PRKAR1B: variants seen among roughly 807,000 people sequenced by gnomAD.
PRKAR1B encodes the protein cAMP-dependent protein kinase type I-beta regulatory subunit.
Under a neutral mutation model 46.5 loss-of-function variants are expected in PRKAR1B, and 22 were observed. That is an observed-to-expected ratio of 0.47 (90% CI 0.34 to 0.68). PRKAR1B has a LOEUF of 0.68. Ranked by LOEUF, PRKAR1B falls within the 30% of genes least tolerant of loss-of-function variation. The pLI is 0.01. For missense variants in PRKAR1B, 445 were observed against 535.6 expected, an observed-to-expected ratio of 0.83 and a Z score of 1.67; for synonymous variants, 259 against 217.7, an observed-to-expected ratio of 1.19 and a Z score of -1.67.
intron 9 of PRKAR1B, among the ~76,000 whole-genome samples, chr7:564,859 C>T (rs1045466765): frequency 1.7e-4 from 26 of 152,190 alleles, no homozygotes; most frequent in African/African-American, 5.3e-4. Flanking sequence ...CGGATGCCCC[C>T]CAACCTTGCA....
At chr7:699,541 CT>C (rs1392122208) in intron 2 of PRKAR1B, among the ~76,000 whole-genome samples, 1 of 152,134 alleles carries the variant, frequency 6.6e-6, no homozygotes, top group Non-Finnish European at 1.5e-5. Flanking sequence ...ACTAAAGACC[CT>C]CCCTCCCTGC....
intron 2 of PRKAR1B, 58 bp downstream of exon 2, chr7:711,271 G>T (rs529219718): frequency 1.3e-6 from 2 of 1,591,228 alleles, no homozygotes; most frequent in African/African-American, 1.3e-5. Flanking sequence ...TTCCCCGGCT[G>T]CCGCCTCTGC....
chr7:646,390 G>A (rs1784624304), intron 4 of PRKAR1B, among the ~76,000 whole-genome samples: 2 of 152,206 alleles, frequency 1.3e-5, no homozygotes, highest in Non-Finnish European at 2.9e-5. Context: ...CTAGAAGGAC[G>A]GTGCATAAAT....
At chr7:621,012 C>T (rs1444040521) in intron 4 of PRKAR1B, among the ~76,000 whole-genome samples, 1 of 152,272 alleles carries the variant, frequency 6.6e-6, no homozygotes, top group Admixed American at 6.5e-5. Context: ...CCTTTTCCAA[C>T]ACCTATGTGA....
intron 4 of PRKAR1B, among the ~76,000 whole-genome samples, chr7:610,663 C>A (rs1339177267): frequency 1.3e-5 from 2 of 152,226 alleles, no homozygotes; most frequent in Admixed American, 1.3e-4. Flanking sequence ...ATGTCCCCCC[C>A]GCACGGCTTC....
At chr7:659,792 C>T (rs1407561964) in intron 4 of PRKAR1B, among the ~76,000 whole-genome samples, 1 of 152,160 alleles carries the variant, frequency 6.6e-6, no homozygotes, top group African/African-American at 2.4e-5. Flanking sequence ...CTGCAGTCTC[C>T]ACCTCCCGGG....
At chr7:661,800 C>G (rs556686297) in intron 4 of PRKAR1B, among the ~76,000 whole-genome samples, 60 of 34,672 alleles carry the variant, frequency 1.7e-3, no homozygotes, top group Middle Eastern at 0.038. Context: ...TACTCTCCCC[C>G]CCATGGCACA....
chr7:622,618 C>T (rs1783169649), intron 4 of PRKAR1B, among the ~76,000 whole-genome samples: 1 of 152,032 alleles, frequency 6.6e-6, no homozygotes, highest in South Asian at 2.1e-4. Flanking sequence ...AGAGTCAGGA[C>T]ACGGGTTGTT....
intron 9 of PRKAR1B, among the ~76,000 whole-genome samples, chr7:575,135 G>A (rs1007963176): frequency 1.3e-5 from 2 of 152,216 alleles, no homozygotes; most frequent in African/African-American, 2.4e-5. Flanking sequence ...TCAGCCGGGC[G>A]GTTCTCACTC....
intron 4 of PRKAR1B, among the ~76,000 whole-genome samples, chr7:637,955 T>C (rs1391339071): frequency 6.6e-6 from 1 of 152,244 alleles, no homozygotes; most frequent in Non-Finnish European, 1.5e-5. Flanking sequence ...CCAGATTGTC[T>C]TCTGCAGCCT....
intron 1 of PRKAR1B, among the ~76,000 whole-genome samples, chr7:719,739 C>G (rs1396069725): frequency 6.6e-6 from 1 of 152,150 alleles, no homozygotes; most frequent in Middle Eastern, 3.2e-3. Context: ...AGGTACTATA[C>G]TGTACCAGCT....
At chr7:604,616 T>C (rs753937505) in intron 6 of PRKAR1B, among the ~76,000 whole-genome samples, 6 of 152,198 alleles carry the variant, frequency 3.9e-5, no homozygotes, top group South Asian at 2.1e-4. Context: ...TTTCCTGTGC[T>C]ATCAGCTCCG....
intron 5 of PRKAR1B, among the ~76,000 whole-genome samples, chr7:606,464 G>GT (rs1217127053): frequency 3.3e-5 from 5 of 152,128 alleles, no homozygotes; most frequent in Admixed American, 3.3e-4. Flanking sequence ...AATGAGAGGT[G>GT]TTTTTCTTTT....
chr7:570,106 C>T (rs1037747596), intron 9 of PRKAR1B, among the ~76,000 whole-genome samples: 5 of 152,250 alleles, frequency 3.3e-5, no homozygotes, highest in African/African-American at 9.6e-5. Context: ...CCACAGTGAC[C>T]GCTGGGCAGA....
chr7:706,259 G>A (rs1780317386), intron 2 of PRKAR1B, among the ~76,000 whole-genome samples: 1 of 152,088 alleles, frequency 6.6e-6, no homozygotes, highest in Non-Finnish European at 1.5e-5. Flanking sequence ...CTGAGAGGTG[G>A]AGGTTGCAGT....
intron 1 of PRKAR1B, among the ~76,000 whole-genome samples, chr7:726,452 G>A (rs1250733452): frequency 2.0e-5 from 3 of 152,144 alleles, no homozygotes; most frequent in Non-Finnish European, 2.9e-5. Flanking sequence ...TATAGCCCGG[G>A]ACCCGCATCC....
intron 7 of PRKAR1B, among the ~76,000 whole-genome samples, chr7:592,140 C>T (rs1781011590): frequency 6.6e-6 from 1 of 152,182 alleles, no homozygotes; most frequent in African/African-American, 2.4e-5. Flanking sequence ...ATCAGGGTCC[C>T]CACGTGCACA....
chr7:640,899 G>A (rs1366159660), intron 4 of PRKAR1B, among the ~76,000 whole-genome samples: 1 of 151,760 alleles, frequency 6.6e-6, no homozygotes, highest in Non-Finnish European at 1.5e-5. Context: ...GGAGAAATGA[G>A]AACCCTCATA....
intron 4 of PRKAR1B, among the ~76,000 whole-genome samples, chr7:635,278 C>G (rs1783981001): frequency 6.6e-6 from 1 of 152,372 alleles, no homozygotes; most frequent in South Asian, 2.1e-4. Flanking sequence ...GCCCAGCCCT[C>G]CCCTGGCAGC....
Sources: gnomAD v4.1 joint callset for allele counts (sites outside exome capture counted in the v4.1 genomes callset) on GRCh38, gnomAD v4.1.1 for gene constraint, MANE v1.5 for transcripts, NCBI Gene and HGNC (gene_info 2026-07-23, HGNC 2026-07-21) for gene names.